AKAP9: variants seen among roughly 807,000 people sequenced by gnomAD.
AKAP9 encodes the protein A-kinase anchoring protein 9, also known as A-kinase anchor protein 9.
Under a neutral mutation model 488.5 loss-of-function variants are expected in AKAP9, and 311 were observed. That is an observed-to-expected ratio of 0.64 (90% CI 0.58 to 0.70). AKAP9 has a LOEUF of 0.70. Among genes scored for constraint, AKAP9 ranks in the 30% least tolerant of loss-of-function variants. AKAP9 has a pLI of 0.00. For synonymous variants in AKAP9, 1,462 were observed against 1,483.5 expected, an observed-to-expected ratio of 0.99 and a Z score of 0.33; for missense variants, 4,215 against 4,374.5, an observed-to-expected ratio of 0.96 and a Z score of 1.03.
intron 12 of AKAP9, among the ~76,000 whole-genome samples, chr7:92,021,225 A>G (rs1426181311): frequency 1.3e-5 from 2 of 152,206 alleles, no homozygotes; most frequent in Admixed American, 6.5e-5. Flanking sequence ...TTGTTGTTAT[A>G]GTCAAATTTT....
Position 92,016,266 on chromosome 7 carries a change from A to G in AKAP9, c.3750A>G (p.Gln1250=), listed in dbSNP as rs1387906490. 1 of 1,520,946 alleles carries G rather than the reference A, an allele frequency of 6.6e-7. No individual in the cohort carries two copies. Among genetic ancestry groups the G allele is most frequent in the Non-Finnish European group, 9.1e-7 (1 of 1,101,010 alleles). The allele number at this position is 1,520,946 out of a possible 1,614,324, so 94.2% of individuals were successfully genotyped here. The change falls in exon 11 of 50, where the codon CAA becomes CAG. Residue 1250 remains glutamine, a splice_region_variant and synonymous_variant. Coordinates refer to ENST00000356239, the MANE Select transcript of AKAP9 (RefSeq NM_005751.5). ...TACAAGATTATAGATATGAAGTTCA[A>G]GGTAATAAAAGCTTACCATACTATT... ...PELQDYRYEV[Q]DFQENMHTLL... is the part of the protein sequence containing the mutation.
chr7:92,000,750 AGAG>A, intron 7 of AKAP9, 95 bp from the exon 8 acceptor site: 1 of 676,104 alleles, frequency 1.5e-6, no homozygotes. Flanking sequence ...ATTTTTTAAA[AGAG>A]AAACTTCTGT....
Position 92,083,537 on chromosome 7 carries a change from A to C in AKAP9, c.8528A>C (p.Glu2843Ala), listed in dbSNP as rs1387756219. Reference protein sequence around the residue: ...ELHAAEILDMESRHISETETL... With the variant: ...ELHAAEILDMASRHISETETL... ...CATGCTGCTGAAATTTTGGACATGG[A>C]ATCCAGACATATTTCAGAAACTGAA... Residue 2843 changes from glutamate to alanine, a missense_variant, in exon 33 of 50, where the codon GAA becomes GCA. Around this residue, in one of 5 missense-constraint regions of AKAP9, gnomAD observed 1,476 missense variants for 1,477.4 expected, o/e 1.00. Transcript: ENST00000356239. 1 of 1,602,750 alleles carries C rather than the reference A, an allele frequency of 6.2e-7. No homozygotes were observed. The highest frequency in any genetic ancestry group is 8.5e-7 in the Non-Finnish European group (1 of 1,175,186).
At chr7:92,080,909 G>A (rs919969277) in intron 31 of AKAP9, among the ~76,000 whole-genome samples, 3 of 152,142 alleles carry the variant, frequency 2.0e-5, no homozygotes, top group Admixed American at 6.5e-5. Context: ...GTACTCCTAA[G>A]TTAGATTGTA....
intron 18 of AKAP9, 114 bp from the exon 19 acceptor site, chr7:92,041,932 C>T: frequency 9.0e-7 from 1 of 1,106,980 alleles, no homozygotes; most frequent in Non-Finnish European, 1.3e-6. Context: ...GAATATGAAT[C>T]ATAAGTAGAA....
intron 21 of AKAP9, among the ~76,000 whole-genome samples, chr7:92,051,811 T>C (rs1171907505): frequency 6.6e-6 from 1 of 152,214 alleles, no homozygotes; most frequent in Non-Finnish European, 1.5e-5. Flanking sequence ...ATAACAAATA[T>C]GTACTACATG....
At chr7:92,095,296 T>G in intron 40 of AKAP9, 123 bp downstream of exon 40, 1 of 1,090,584 alleles carries the variant, frequency 9.2e-7, no homozygotes, top group Non-Finnish European at 1.4e-6. Flanking sequence ...AGTTGTTCAC[T>G]GTGCATTGAA....
intron 39 of AKAP9, among the ~76,000 whole-genome samples, chr7:92,094,391 G>C (rs1816163345): frequency 6.6e-6 from 1 of 151,664 alleles, no homozygotes; most frequent in Non-Finnish European, 1.5e-5. Flanking sequence ...AAATTAGCCG[G>C]GCATGCTGGC....
intron 17 of AKAP9, among the ~76,000 whole-genome samples, chr7:92,039,906 T>G (rs963549357): frequency 1.3e-5 from 2 of 152,162 alleles, no homozygotes; most frequent in African/African-American, 2.4e-5. Flanking sequence ...ACTGGGGAGA[T>G]GAAGGTTGCA....
intron 8 of AKAP9, among the ~76,000 whole-genome samples, chr7:92,010,511 A>G (rs1562974852): frequency 6.6e-6 from 1 of 152,220 alleles, no homozygotes; most frequent in Non-Finnish European, 1.5e-5. Flanking sequence ...CTTTCACTGA[A>G]TACTGGTGTC....
rs13311667 is a variant in AKAP9, at chr7:91,982,653, C to T, written c.351+2320C>T. ...TGTGAATAGTGCCACGATAAACATACGTGTGCATATGTCTTTATAGTAGCA... is the reference window on the plus strand; with the variant it reads ...TGTGAATAGTGCCACGATAAACATATGTGTGCATATGTCTTTATAGTAGCA... On this transcript the variant is annotated intron_variant, in intron 3 of 49. Transcript: ENST00000356239. Among the ~76,000 whole-genome samples, 9 of 152,226 alleles carry T rather than the reference C, an allele frequency of 5.9e-5. No individual in the cohort carries two copies. In the East Asian group the frequency reaches 1.2e-3, roughly 20 times the overall value.
rs587782932 is a variant in AKAP9 at position 92,096,981 on chromosome 7, C to T, written c.10022C>T (p.Ser3341Leu). 16 of 1,614,028 alleles carry T rather than the reference C, an allele frequency of 9.9e-6. No homozygotes were observed. Residue 3341 changes from serine to leucine, a missense_variant, in exon 41 of 50, where the codon TCA (serine) becomes TTA (leucine). This residue lies in a region of AKAP9 where 1,476 missense variants were observed against 1,477.4 expected (regional missense o/e 1.00). Coordinates refer to ENST00000356239, the MANE Select transcript of AKAP9 (RefSeq NM_005751.5). ...GTGQSRPPLP[S>L]EDLLKELQKQ... ...GGACAGTCTCGGCCACCCTTGCCCT[C>T]AGAGGACCTACTGAAAGAGCTGCAG...
intron 44 of AKAP9, 32 bp downstream of exon 44, chr7:92,099,901 G>A: frequency 6.3e-7 from 1 of 1,596,590 alleles, no homozygotes; most frequent in Non-Finnish European, 8.6e-7. Context: ...CCATATATGA[G>A]AATTAGTGCA....
intron 3 of AKAP9, among the ~76,000 whole-genome samples, chr7:91,986,323 A>G (rs1341780932): frequency 6.6e-6 from 1 of 152,146 alleles, no homozygotes; most frequent in Non-Finnish European, 1.5e-5. Flanking sequence ...TGGCTAGGAA[A>G]GGGAAATCCT....
chr7:92,006,282 C>G (rs1799855569), intron 8 of AKAP9, among the ~76,000 whole-genome samples: 1 of 151,932 alleles, frequency 6.6e-6, no homozygotes. Context: ...TCCTGAGTAG[C>G]TAGTATTACA....
intron 1 of AKAP9, among the ~76,000 whole-genome samples, chr7:91,942,928 A>G (rs1442649190): frequency 6.6e-6 from 1 of 152,080 alleles, no homozygotes; most frequent in African/African-American, 2.4e-5. Context: ...CATTAGCTAT[A>G]CAATATAAAA....
intron 28 of AKAP9, among the ~76,000 whole-genome samples, chr7:92,074,596 A>C (rs985532912): frequency 1.3e-5 from 2 of 152,230 alleles, no homozygotes; most frequent in Admixed American, 6.5e-5. Context: ...ACAATAGCAA[A>C]GACTTGGAAC....
chr7:92,021,814 T>C (rs1326249924), intron 12 of AKAP9, among the ~76,000 whole-genome samples: 2 of 152,204 alleles, frequency 1.3e-5, no homozygotes, highest in African/African-American at 4.8e-5. Flanking sequence ...CCATACCATT[T>C]GTCAGTTACC....
At chr7:92,012,395 G>C in intron 8 of AKAP9, 34 bp from the exon 9 acceptor site, 1 of 1,545,900 alleles carries the variant, frequency 6.5e-7, no homozygotes, top group Non-Finnish European at 8.9e-7. Context: ...TGTCATTTAA[G>C]AATATTATAA....
Sources: gnomAD v4.1 joint callset for allele counts (sites outside exome capture counted in the v4.1 genomes callset) on GRCh38, gnomAD v4.1.1 for gene constraint, gnomAD v4.1.1 regional missense constraint, MANE v1.5 for transcripts, NCBI Gene and HGNC (gene_info 2026-07-23, HGNC 2026-07-21) for gene names.